PTPRD: variants seen among roughly 807,000 people sequenced by gnomAD.
PTPRD encodes the protein receptor-type tyrosine-protein phosphatase delta.
In PTPRD, 34 loss-of-function variants were observed where a neutral mutation model predicts 214.5. The observed-to-expected ratio is 0.16, with a 90% CI of 0.12 to 0.21. The LOEUF (loss-of-function observed/expected upper bound fraction) is 0.21. Ranked by LOEUF, PTPRD falls within the 10% of genes least tolerant of loss-of-function variation. The pLI, the probability that PTPRD is intolerant of heterozygous loss-of-function variation, is 1.00. For synonymous variants in PTPRD, 1,128 were observed against 845.7 expected, an observed-to-expected ratio of 1.33 and a Z score of -5.79; for missense variants, 2,545 against 2,398.7, an observed-to-expected ratio of 1.06 and a Z score of -1.27.
intron 9 of PTPRD, among the ~76,000 whole-genome samples, chr9:9,254,903 G>A (rs1164597905): frequency 6.6e-6 from 1 of 151,958 alleles, no homozygotes; most frequent in Non-Finnish European, 1.5e-5. Flanking sequence ...GGCATTGTTA[G>A]GATATTTGTG....
chr9:9,790,266 A>T (rs1217965832), intron 5 of PTPRD, among the ~76,000 whole-genome samples: 1 of 152,162 alleles, frequency 6.6e-6, no homozygotes, highest in Non-Finnish European at 1.5e-5. Flanking sequence ...AATGAGAAAA[A>T]ATATGGCAAA....
At chr9:10,445,829 G>A (rs1280518743) in intron 2 of PTPRD, among the ~76,000 whole-genome samples, 2 of 151,966 alleles carry the variant, frequency 1.3e-5, no homozygotes, top group Non-Finnish European at 2.9e-5. Context: ...AAGCAAGTGA[G>A]GTCTACTTTT....
intron 2 of PTPRD, among the ~76,000 whole-genome samples, chr9:10,369,368 A>T (rs1535661): frequency 0.42 from 63,632 of 151,942 alleles, 16,491 homozygotes; most frequent in Non-Finnish European, 0.59. Flanking sequence ...ATAGCCAGGC[A>T]TCTAGTGTTC....
At chr9:8,347,092 A>C (rs4105731) in intron 39 of PTPRD, among the ~76,000 whole-genome samples, 7 of 151,880 alleles carry the variant, frequency 4.6e-5, no homozygotes, top group East Asian at 3.9e-4. Flanking sequence ...CTGCGGATAG[A>C]GGGGGACTAC....
intron 10 of PTPRD, among the ~76,000 whole-genome samples, chr9:9,057,031 G>A (rs1374613153): frequency 2.0e-5 from 3 of 152,036 alleles, no homozygotes; most frequent in East Asian, 3.9e-4. Context: ...CCTCAGGGGG[G>A]ATCTGTTATA....
chr9:9,189,419 T>A (rs1405400910), intron 9 of PTPRD, among the ~76,000 whole-genome samples: 1 of 152,090 alleles, frequency 6.6e-6, no homozygotes, highest in Non-Finnish European at 1.5e-5. Flanking sequence ...TTCATTTTAT[T>A]AAATAAACAT....
At chr9:9,719,875 C>T (rs749739836) in intron 7 of PTPRD, among the ~76,000 whole-genome samples, 1 of 152,206 alleles carries the variant, frequency 6.6e-6, no homozygotes, top group Admixed American at 6.5e-5. Context: ...GTCTCAGTCT[C>T]TCATGGTGCT....
At chr9:8,499,381 T>C (rs1023384991) in intron 25 of PTPRD, among the ~76,000 whole-genome samples, 5 of 152,134 alleles carry the variant, frequency 3.3e-5, no homozygotes, top group East Asian at 1.9e-4. Context: ...CAAACTCAAA[T>C]ATGGTTGTAA....
intron 2 of PTPRD, among the ~76,000 whole-genome samples, chr9:10,359,356 T>A (rs910014489): frequency 6.6e-6 from 1 of 152,046 alleles, no homozygotes; most frequent in Non-Finnish European, 1.5e-5. Context: ...TTCTCTTCTT[T>A]ATTCCCCCAG....
chr9:10,472,429 C>T (rs555427528), intron 2 of PTPRD, among the ~76,000 whole-genome samples: 1 of 149,992 alleles, frequency 6.7e-6, no homozygotes, highest in Non-Finnish European at 1.5e-5. Flanking sequence ...ATGTGGTCCA[C>T]AAACCTTGAC....
In PTPRD at chr9:9,354,086, G is replaced by GGAATCCCCATTTTGGT. The variant is rs1483019871; in HGVS notation, c.-203+43347_-203+43362dup. 4.0e-5 allele frequency among the ~76,000 whole-genome samples: 6 copies of GGAATCCCCATTTTGGT among 151,806 alleles called. No homozygotes were observed. In the East Asian group the frequency reaches 5.9e-4, roughly 15 times the overall value. On this transcript the variant is annotated intron_variant, in intron 9 of 45. Coordinates refer to ENST00000381196, the MANE Select transcript of PTPRD (RefSeq NM_002839.4). ...TCCTTCTTCTATGAAGCCACATTGAGGAATCCCCATTTTGGTGAATCCCCC... is the reference window on the plus strand; with the variant it reads ...TCCTTCTTCTATGAAGCCACATTGAGGAATCCCCATTTTGGTGAATCCCCATTTTGGTGAATCCCCC...
chr9:10,565,497 T>A (rs1454566714), intron 2 of PTPRD, among the ~76,000 whole-genome samples: 1 of 152,132 alleles, frequency 6.6e-6, no homozygotes, highest in Non-Finnish European at 1.5e-5. Context: ...GGAAATTGAC[T>A]TTCAGAAAAA....
intron 11 of PTPRD, among the ~76,000 whole-genome samples, chr9:8,870,851 T>C (rs2098286613): frequency 6.6e-6 from 1 of 152,110 alleles, no homozygotes; most frequent in Non-Finnish European, 1.5e-5. Context: ...CTCAGAACTT[T>C]ACCCTCTGTC....
chr9:10,098,730 T>C (rs115445723), intron 3 of PTPRD, among the ~76,000 whole-genome samples: 182 of 151,870 alleles, frequency 1.2e-3, no homozygotes, highest in African/African-American at 4.2e-3. Flanking sequence ...CTTTAGAATG[T>C]CCAAGAGCTG....
intron 11 of PTPRD, among the ~76,000 whole-genome samples, chr9:8,737,488 T>A (rs2090740901): frequency 6.6e-6 from 1 of 151,976 alleles, no homozygotes; most frequent in Non-Finnish European, 1.5e-5. Flanking sequence ...ATAAGGAGTT[T>A]CCATTAATCT....
chr9:8,534,671 T>G (rs1371753012), intron 14 of PTPRD, among the ~76,000 whole-genome samples: 1 of 151,764 alleles, frequency 6.6e-6, no homozygotes, highest in Non-Finnish European at 1.5e-5. Context: ...ACTGTCATTT[T>G]AATATATATA....
chr9:9,778,157 G>C (rs1324719090), intron 5 of PTPRD, among the ~76,000 whole-genome samples: 4 of 152,176 alleles, frequency 2.6e-5, no homozygotes, highest in Admixed American at 6.5e-5. Flanking sequence ...GGTGGATGGA[G>C]AGGTGACATT....
At chr9:9,044,333 A>G (rs2099662353) in intron 10 of PTPRD, among the ~76,000 whole-genome samples, 2 of 152,208 alleles carry the variant, frequency 1.3e-5, no homozygotes, top group Admixed American at 1.3e-4. Context: ...CATATTTGCT[A>G]TGGATAGATG....
intron 10 of PTPRD, among the ~76,000 whole-genome samples, chr9:9,140,232 C>G (rs1248574229): frequency 6.6e-6 from 1 of 151,798 alleles, no homozygotes; most frequent in East Asian, 1.9e-4. Context: ...AAGAAAAAGC[C>G]CTGTTTGGCT....
Sources: gnomAD v4.1 joint callset for allele counts (sites outside exome capture counted in the v4.1 genomes callset) on GRCh38, gnomAD v4.1.1 for gene constraint, MANE v1.5 for transcripts, NCBI Gene and HGNC (gene_info 2026-07-23, HGNC 2026-07-21) for gene names.